The following PHACTR4 variants were observed in gnomAD, a reference collection of about 807,000 sequenced individuals.
The protein encoded by PHACTR4 is phosphatase and actin regulator 4, also known as protein phosphatase 1, regulatory subunit 124.
A neutral mutation model predicts 72.7 loss-of-function variants in PHACTR4; 51 were observed. That is an observed-to-expected ratio of 0.70 (90% CI 0.56 to 0.89). PHACTR4 has a LOEUF of 0.89. Ranked by LOEUF, PHACTR4 falls within the 40% of genes least tolerant of loss-of-function variation. PHACTR4 has a pLI of 0.00. For synonymous variants in PHACTR4, 255 were observed against 302.5 expected (o/e 0.84, Z 1.63); for missense variants, 731 against 861.8 (o/e 0.85, Z 1.90).
rs536578287 is a variant in PHACTR4, at chr1:28,381,033, G to A, written c.-39+11208G>A. 2.7e-5 allele frequency among the ~76,000 whole-genome samples: 4 copies of A among 149,826 alleles called. No homozygotes were observed. In the Admixed American group the frequency reaches 2.7e-4, roughly 10 times the overall value. ...ATTTTTTTTTTTTTTTTCCGAGACAGAGTCTTGCTCTGTCACCCAGGCTGG... is the reference window on the plus strand; with the variant it reads ...ATTTTTTTTTTTTTTTTCCGAGACAAAGTCTTGCTCTGTCACCCAGGCTGG... On this transcript the variant is annotated intron_variant, in intron 1 of 13. Transcript: ENST00000373839.
intron 8 of PHACTR4, among the ~76,000 whole-genome samples, chr1:28,477,080 T>C (rs1659973667): frequency 6.7e-6 from 1 of 149,702 alleles, no homozygotes; most frequent in Admixed American, 6.7e-5. Context: ...ATAAAAGATA[T>C]ATATATAATT....
At chr1:28,453,868 C>T (rs1340830948) in intron 2 of PHACTR4, 1 of 863,228 alleles carries the variant, frequency 1.2e-6, no homozygotes, top group South Asian at 1.3e-5. Flanking sequence ...AAAGTTGCTA[C>T]TGGATCAGGA....
At chr1:28,407,796 A>G (rs1453441097) in intron 2 of PHACTR4, among the ~76,000 whole-genome samples, 1 of 152,236 alleles carries the variant, frequency 6.6e-6, no homozygotes, top group East Asian at 1.9e-4. Flanking sequence ...ATCAAGAACC[A>G]TTTGACAAGA....
intron 2 of PHACTR4, among the ~76,000 whole-genome samples, chr1:28,431,232 C>T (rs898471658): frequency 2.7e-5 from 4 of 146,528 alleles, no homozygotes; most frequent in Non-Finnish European, 4.5e-5. Flanking sequence ...GGGCTGGGTG[C>T]AGTGGCTCAT....
chr1:28,451,754 C>T lies in PHACTR4; in HGVS notation c.17-7331C>T, dbSNP rs147770983. 4.1e-3 allele frequency among the ~76,000 whole-genome samples: 620 copies of T among 152,222 alleles called. 22 individuals carry two copies. The highest frequency in any genetic ancestry group is 8.7e-4 in the Non-Finnish European group (59 of 68,010). On this transcript the variant is annotated intron_variant, in intron 2 of 13. Coordinates refer to ENST00000373839, the MANE Select transcript of PHACTR4 (RefSeq NM_001048183.3). ...AACCTCCTCAGATCAAAGGATCCTC[C>T]TGCCCCAGCCTCCCAAGTAGCTAAG...
rs554582286 is a variant in PHACTR4, at chr1:28,428,569, G to A, written c.16+21106G>A. ...TGCTGGCATAATTTCAGTTTCTCTC[G>A]CTAATAAAAGTCCAACATATTGTAG... On this transcript the variant is annotated intron_variant, in intron 2 of 13. Coordinates refer to ENST00000373839, the MANE Select transcript of PHACTR4 (RefSeq NM_001048183.3). 5.3e-5 allele frequency among the ~76,000 whole-genome samples: 8 copies of A among 152,256 alleles called. No individual in the cohort carries two copies. In the South Asian group the frequency reaches 6.2e-4, roughly 12 times the overall value.
intron 2 of PHACTR4, chr1:28,438,528 T>G: frequency 7.8e-7 from 1 of 1,278,330 alleles, no homozygotes; most frequent in South Asian, 1.4e-5. Context: ...CACGAGAATG[T>G]TGATGATCCC....
chr1:28,464,929 C>G (rs1659041559), intron 4 of PHACTR4, among the ~76,000 whole-genome samples: 1 of 152,024 alleles, frequency 6.6e-6, no homozygotes, highest in Non-Finnish European at 1.5e-5. Context: ...GTCTCGAACT[C>G]TTGACCTCAG....
chr1:28,421,453 A>G (rs543645096), intron 2 of PHACTR4, among the ~76,000 whole-genome samples: 1 of 151,982 alleles, frequency 6.6e-6, no homozygotes, highest in Admixed American at 6.6e-5. Flanking sequence ...CCAGAGTAAC[A>G]TCATATCAGA....
At chr1:28,460,102 A>T in intron 3 of PHACTR4, 110 bp from the exon 4 acceptor site, 1 of 594,494 alleles carries the variant, frequency 1.7e-6, no homozygotes, top group Non-Finnish European at 2.9e-6. Flanking sequence ...CTTTCCTGAG[A>T]ATATAAACTT....
At chr1:28,434,020 C>T (rs1218093443) in intron 2 of PHACTR4, among the ~76,000 whole-genome samples, 1 of 151,990 alleles carries the variant, frequency 6.6e-6, no homozygotes, top group Non-Finnish European at 1.5e-5. Flanking sequence ...TCTCATGATC[C>T]GCCCACCTTG....
intron 1 of PHACTR4, among the ~76,000 whole-genome samples, chr1:28,386,206 GC>G (rs1305673387): frequency 2.6e-5 from 4 of 152,016 alleles, no homozygotes; most frequent in Non-Finnish European, 5.9e-5. Context: ...CAATTCTCCT[GC>G]CTCAGCCTCC....
rs528150284 is a variant in PHACTR4, at chr1:28,395,198, CA to C, written c.-38-12211del. ...AAAGTGCTGGGATACAGCCATGAGCCACCAGGCCCGGCTGGCCATCTTTTAA... is the reference window on the plus strand; with the variant it reads ...AAAGTGCTGGGATACAGCCATGAGCCCCAGGCCCGGCTGGCCATCTTTTAA... On this transcript the variant is annotated intron_variant, in intron 1 of 13. Transcript: ENST00000373839. 1.2e-4 allele frequency among the ~76,000 whole-genome samples: 19 copies of C among 152,234 alleles called. No individual in the cohort carries two copies. The East Asian group carries it at 3.5e-3, about 28-fold the overall frequency.
At position 28,396,464 on chromosome 1, in the gene PHACTR4, G is replaced by A. The variant is rs548083811; in HGVS notation, c.-38-10946G>A. 3.2e-3 allele frequency among the ~76,000 whole-genome samples: 484 copies of A among 151,716 alleles called. 6 individuals carry two copies. Among genetic ancestry groups the A allele is most frequent in the Non-Finnish European group, 2.2e-3 (147 of 67,920 alleles). ...AAGAATCACTTGAACCTGGGAGGCG[G>A]AGGTTGCAGTGAGCTGAGATCGCAC... On this transcript the variant is annotated intron_variant, in intron 1 of 13. Coordinates refer to ENST00000373839, the MANE Select transcript of PHACTR4 (RefSeq NM_001048183.3).
At chr1:28,461,002 T>G (rs936573764) in intron 4 of PHACTR4, among the ~76,000 whole-genome samples, 6 of 152,186 alleles carry the variant, frequency 3.9e-5, no homozygotes, top group African/African-American at 1.4e-4. Flanking sequence ...AGTCTACCAG[T>G]CATTGTTTGT....
chr1:28,493,295 T>TAAAG (rs1295843596), intron 13 of PHACTR4, among the ~76,000 whole-genome samples: 1 of 152,108 alleles, frequency 6.6e-6, no homozygotes, highest in Non-Finnish European at 1.5e-5. Flanking sequence ...CCCAGTACTT[T>TAAAG]GGGAGGCTGA....
intron 4 of PHACTR4, among the ~76,000 whole-genome samples, chr1:28,462,438 A>T (rs1658880502): frequency 6.8e-6 from 1 of 147,536 alleles, no homozygotes; most frequent in Non-Finnish European, 1.5e-5. Flanking sequence ...TTTGCCCTAC[A>T]CTCACGGCAA....
At chr1:28,445,042 A>G (rs1208802782) in intron 2 of PHACTR4, among the ~76,000 whole-genome samples, 2 of 150,986 alleles carry the variant, frequency 1.3e-5, no homozygotes, top group Non-Finnish European at 1.5e-5. Context: ...TGCAACCTCC[A>G]CCTCTCGGGT....
rs190002295 is a variant in PHACTR4 at position 28,500,205 on chromosome 1, C to G, written c.*3656C>G. 1 of 152,034 alleles carries G rather than the reference C, an allele frequency of 6.6e-6. No homozygotes were observed. The highest frequency in any genetic ancestry group is 1.5e-5 in the Non-Finnish European group (1 of 68,034). 9.4% of individuals were successfully genotyped at this position (152,034 alleles called of 1,614,324 possible). A position where few individuals can be genotyped will look rare whatever the true frequency, so the allele number is the denominator to read the frequency against. ...ATGTAAGTACCAACTTATATGGAAA[C>G]TCACAATCATAATGTAAAGAAGAAA... On this transcript the variant is annotated 3_prime_UTR_variant, in exon 14 of 14. Coordinates refer to ENST00000373839, the MANE Select transcript of PHACTR4 (RefSeq NM_001048183.3).
Sources: allele counts gnomAD v4.1 joint callset (sites outside exome capture counted in the v4.1 genomes callset), GRCh38; gene constraint gnomAD v4.1.1; transcripts MANE v1.5; gene names NCBI Gene and HGNC (gene_info 2026-07-23, HGNC 2026-07-21).